The following EVI2B variants were observed in gnomAD, a reference collection of about 807,000 sequenced individuals.
The protein encoded by EVI2B is protein EVI2B.
EVI2B carries 4 observed loss-of-function variants against 6.6 expected under a neutral mutation model. The ratio of observed to expected loss-of-function variants is 0.61; its 90% CI spans 0.30 to 1.39. EVI2B has a LOEUF of 1.39. EVI2B is among the 40% of genes most tolerant of loss of function. The pLI is 0.08. For missense variants in EVI2B, 484 were observed against 516.6 expected (o/e 0.94, Z 0.61); for synonymous variants, 181 against 186.8 (o/e 0.97, Z 0.25).
chr17:31,312,382 G>A (rs2068899735), intron 1 of EVI2B, among the ~76,000 whole-genome samples: 1 of 151,862 alleles, frequency 6.6e-6, no homozygotes, highest in Admixed American at 6.6e-5. Flanking sequence ...GTGGTGGTGG[G>A]TGCCTGTAAT....
intron 1 of EVI2B, among the ~76,000 whole-genome samples, chr17:31,309,589 A>G (rs1297255285): frequency 6.6e-6 from 1 of 152,230 alleles, no homozygotes; most frequent in Non-Finnish European, 1.5e-5. Context: ...TATGCAAAGC[A>G]TCAGAAAATA....
Position 31,307,240 on chromosome 17 carries a change from G to A in EVI2B, c.-21-1610C>T, listed in dbSNP as rs150797181. ...TTTCACCGTGTTGGCCAGGCTGCTC[G>A]AGAACTGACCTCAGGTGATCTGCCT... is the stretch of plus-strand genomic sequence containing the variant. On this transcript the variant is annotated intron_variant, in intron 1 of 1. Transcript: ENST00000330927. Among the ~76,000 whole-genome samples the A allele has an allele frequency of 3.8e-4, 57 of 151,652 alleles. 1 individual carries two copies. The South Asian group carries it at 5.0e-3, about 13-fold the overall frequency.
chr17:31,306,397 T>G (rs776707688), intron 1 of EVI2B, among the ~76,000 whole-genome samples: 5 of 152,134 alleles, frequency 3.3e-5, no homozygotes, highest in African/African-American at 4.8e-5. Context: ...ATTTTATATA[T>G]ATAGATAGAT....
chr17:31,312,055 GA>G (rs2068889380), intron 1 of EVI2B, among the ~76,000 whole-genome samples: 2 of 151,846 alleles, frequency 1.3e-5, no homozygotes, highest in East Asian at 1.9e-4. Context: ...ATTTTGTGGT[GA>G]TTTTTTTTTT....
Position 31,304,277 on chromosome 17 carries a change from C to A in EVI2B, c.1333G>T (p.Ala445Ser). Residue 445 changes from alanine (A) to serine (S), a missense_variant, in exon 2 of 2, where the codon GCA becomes TCA. By Grantham distance (99) the Ala-to-Ser change is moderately conservative. Coordinates refer to ENST00000330927, the MANE Select transcript of EVI2B (RefSeq NM_006495.4). ...DLNESLPPPPAELL is the reference protein window; with the variant it reads ...DLNESLPPPPSELL ...AGTTGTAATATTTATAACAGTTCTG[C>A]AGGTGGAGGTGGCAGGGATTCATTA... The A allele has an allele frequency of 6.2e-7, 1 of 1,608,128 alleles. No individual in the cohort carries two copies. Among genetic ancestry groups the A allele is most frequent in the Middle Eastern group, 1.7e-4 (1 of 6,024 alleles).
At position 31,304,276 on chromosome 17, in the gene EVI2B, G is replaced by A. The variant is rs1335333586; in HGVS notation, c.1334C>T (p.Ala445Val). The A allele has an allele frequency of 6.2e-7, 1 of 1,608,778 alleles. No homozygotes were observed. Among genetic ancestry groups the A allele is most frequent in the Non-Finnish European group, 8.5e-7 (1 of 1,177,834 alleles). The change falls in exon 2 of 2, where the codon GCA becomes GTA. Residue 445 changes from alanine to valine, a missense_variant. Ala to Val is a moderately conservative substitution (Grantham distance 64). Coordinates refer to ENST00000330927, the MANE Select transcript of EVI2B (RefSeq NM_006495.4). ...DLNESLPPPP[A>V]ELL ...AAGTTGTAATATTTATAACAGTTCT[G>A]CAGGTGGAGGTGGCAGGGATTCATT...
At chr17:31,312,518 C>CA (rs951056099) in intron 1 of EVI2B, among the ~76,000 whole-genome samples, 1,211 of 59,932 alleles carry the variant, frequency 0.02, 18 homozygotes, top group African/African-American at 0.061. Flanking sequence ...GACTCCATCT[C>CA]AAAAAAAAAA....
At chr17:31,312,421 G>C (rs2151518453) in intron 1 of EVI2B, among the ~76,000 whole-genome samples, 1 of 151,518 alleles carries the variant, frequency 6.6e-6, no homozygotes, top group African/African-American at 2.4e-5. Flanking sequence ...TGAGGCAGAA[G>C]AATCTCTTGA....
Position 31,305,196 on chromosome 17 carries a change from T to G in EVI2B, c.414A>C (p.Pro138=), listed in dbSNP as rs775673321. 1.2e-6 allele frequency: 2 copies of G among 1,613,924 alleles called. No homozygotes were observed. The highest frequency in any genetic ancestry group is 1.7e-6 in the Non-Finnish European group (2 of 1,179,998). Residue 138 remains proline (P), a synonymous_variant, in exon 2 of 2, where the codon CCA becomes CCC. Coordinates refer to ENST00000330927, the MANE Select transcript of EVI2B (RefSeq NM_006495.4). ...LPSARTSTTQ[P]PKSFVYTFTQ... ...TAAAAGTATAGACAAATGACTTTGG[T>G]GGTTGTGTGGTAGAAGTACGGGCAG...
At chr17:31,309,407 G>A (rs1216540240) in intron 1 of EVI2B, among the ~76,000 whole-genome samples, 1 of 152,134 alleles carries the variant, frequency 6.6e-6, no homozygotes, top group Non-Finnish European at 1.5e-5. Flanking sequence ...AGATTTAAAA[G>A]GGAAAATTTG....
In EVI2B at chr17:31,307,942, CAG is replaced by C. The variant is rs549925071; in HGVS notation, c.-21-2314_-21-2313del. On this transcript the variant is annotated intron_variant, in intron 1 of 1. Coordinates refer to ENST00000330927, the MANE Select transcript of EVI2B (RefSeq NM_006495.4). Reference sequence around the variant, plus strand: ...GCTTACTCCTCTACCACTTGGTACACAGTGATGATAAATGGCCCTGTTTTAGT... The same window carrying C: ...GCTTACTCCTCTACCACTTGGTACACTGATGATAAATGGCCCTGTTTTAGT... 2.4e-3 allele frequency: 3,148 copies of C among 1,287,316 alleles called. 76 individuals are homozygous for C. In the South Asian group the frequency reaches 0.032, roughly 13 times the overall value. 79.7% of individuals were successfully genotyped at this position (1,287,316 alleles called of 1,614,324 possible). A position where few individuals can be genotyped will look rare whatever the true frequency, so the allele number is the denominator to read the frequency against.
At position 31,305,063 on chromosome 17, in the gene EVI2B, CT is replaced by C; in HGVS notation, c.546del (p.Gly183AspfsTer4). 1 of 1,614,052 alleles carries C rather than the reference CT, an allele frequency of 6.2e-7. No homozygotes were observed. The highest frequency in any genetic ancestry group is 1.6e-4 in the Middle Eastern group (1 of 6,062). ...TTACTGGTAGTATCTAAGATAAATC[CT>C]GGTGTACTCCTAGGTGAATTTTTGA... ...STVKNSPRST[P>X]GFILDTTSNK... On this transcript the variant is annotated frameshift_variant, in exon 2 of 2. Transcript: ENST00000330927. LOFTEE classifies it high-confidence loss of function.
intron 1 of EVI2B, chr17:31,307,828 C>T: frequency 8.6e-7 from 1 of 1,156,542 alleles, no homozygotes; most frequent in Non-Finnish European, 1.2e-6. Flanking sequence ...ACTCATAAGC[C>T]TATATTTAGA....
intron 1 of EVI2B, 91 bp from the exon 2 acceptor site, chr17:31,305,721 A>C (rs2068702101): frequency 9.3e-7 from 1 of 1,071,588 alleles, no homozygotes; most frequent in Non-Finnish European, 1.3e-6. Context: ...TCCTGGCATA[A>C]AGTAGGTAGA....
chr17:31,307,834 T>A, intron 1 of EVI2B: 1 of 1,203,994 alleles, frequency 8.3e-7, no homozygotes, highest in Non-Finnish European at 1.1e-6. Flanking sequence ...AAGCCTATAT[T>A]TAGAGAGATT....
At chr17:31,308,991 G>GT (rs1216071312) in intron 1 of EVI2B, among the ~76,000 whole-genome samples, 2 of 152,172 alleles carry the variant, frequency 1.3e-5, no homozygotes, top group African/African-American at 4.8e-5. Context: ...ATTATGTGTT[G>GT]TACTATCCCA....
intron 1 of EVI2B, among the ~76,000 whole-genome samples, chr17:31,307,325 C>G (rs772299730): frequency 1.3e-5 from 2 of 152,098 alleles, no homozygotes; most frequent in African/African-American, 2.4e-5. Context: ...GGCCCAATTA[C>G]AATAATTTGA....
chr17:31,305,273 C>A lies in EVI2B; in HGVS notation c.337G>T (p.Ala113Ser), dbSNP rs1178099869. ...ACGGCTTGCTGGGAGGAGGTGTTGG[C>A]TATTGGTGTTGGTTGTTTGGTGTTG... is the stretch of plus-strand genomic sequence containing the variant. ...AYNTKQPTPI[A>S]NTSSQQAVFT... The change falls in exon 2 of 2, where the codon GCC becomes TCC. Residue 113 changes from alanine (A) to serine (S), a missense_variant. Physicochemically the swap from Ala to Ser is moderately conservative, Grantham distance 99. Coordinates refer to ENST00000330927, the MANE Select transcript of EVI2B (RefSeq NM_006495.4). 1.9e-6 allele frequency: 3 copies of A among 1,613,898 alleles called. No individual in the cohort carries two copies. The highest frequency in any genetic ancestry group is 2.5e-6 in the Non-Finnish European group (3 of 1,180,012).
Position 31,305,499 on chromosome 17 carries a change from G to T in EVI2B, c.111C>A (p.Phe37Leu). The T allele has an allele frequency of 6.2e-7, 1 of 1,614,196 alleles. No individual in the cohort carries two copies. Among genetic ancestry groups the T allele is most frequent in the Non-Finnish European group, 8.5e-7 (1 of 1,180,040 alleles). Residue 37 changes from phenylalanine (F) to leucine (L), a missense_variant, in exon 2 of 2, where the codon TTC becomes TTA. Phe to Leu is a conservative substitution (Grantham distance 22, BLOSUM62 0). Coordinates refer to ENST00000330927, the MANE Select transcript of EVI2B (RefSeq NM_006495.4). ...CCAATACCTGTGACATTGATGATGT[G>T]AATAAGGTAGGCTGTGACTGCTTCT... ...TTEKQSQPTL[F>L]TSSMSQVLAN...
Sources: gnomAD v4.1 joint callset for allele counts (sites outside exome capture counted in the v4.1 genomes callset) on GRCh38, gnomAD v4.1.1 for gene constraint, MANE v1.5 for transcripts, NCBI Gene and HGNC (gene_info 2026-07-23, HGNC 2026-07-21) for gene names.